The following TRIM10 variants were observed in gnomAD, a reference collection of about 807,000 sequenced individuals.
The protein encoded by TRIM10 is tripartite motif-containing protein 10.
A neutral mutation model predicts 40.0 loss-of-function variants in TRIM10; 42 were observed. The ratio of observed to expected loss-of-function variants is 1.05; its 90% CI spans 0.82 to 1.36. The LOEUF is 1.36. TRIM10 is among the 40% of genes most tolerant of loss of function. TRIM10 has a pLI of 0.00. For synonymous variants in TRIM10, 260 were observed against 239.5 expected, an observed-to-expected ratio of 1.09 and a Z score of -0.79; for missense variants, 601 against 608.3, an observed-to-expected ratio of 0.99 and a Z score of 0.13.
rs1359094418 is a variant in TRIM10 at position 30,152,144 on chromosome 6, T to A, written c.*1825A>T. ...ACCCATGCAGGCATCTATCTCTGAA[T>A]GAGGCAGTGCAGCATAGCAGTTAAG... On this transcript the variant is annotated 3_prime_UTR_variant, in exon 7 of 7. Coordinates refer to ENST00000449742, the MANE Select transcript of TRIM10 (RefSeq NM_006778.4). The A allele has an allele frequency of 6.6e-6, 1 of 152,242 alleles. No homozygotes were observed. Among genetic ancestry groups the A allele is most frequent in the Non-Finnish European group, 1.5e-5 (1 of 68,046 alleles). 9.4% of individuals were successfully genotyped at this position (152,242 alleles called of 1,614,324 possible). A position where few individuals can be genotyped will look rare whatever the true frequency, so the allele number is the denominator to read the frequency against.
At chr6:30,157,662 T>C (rs966087438) in intron 3 of TRIM10, among the ~76,000 whole-genome samples, 5 of 134,222 alleles carry the variant, frequency 3.7e-5, no homozygotes, top group African/African-American at 8.1e-5. Context: ...ATTTTCTTTT[T>C]TTTTTTTTTT....
Position 30,153,927 on chromosome 6 carries a change from T to C in TRIM10, c.*42A>G. On this transcript the variant is annotated 3_prime_UTR_variant, in exon 7 of 7. Transcript: ENST00000449742. ...CAAGTCCACATGGTACTTGGGTTGA[T>C]ATGAGTCCTGTACTTAGAGGAGAGT... The C allele has an allele frequency of 6.3e-7, 1 of 1,578,584 alleles. No homozygotes were observed. Among genetic ancestry groups the C allele is most frequent in the East Asian group, 2.3e-5 (1 of 44,402 alleles).
rs61735038 is a variant in TRIM10, at chr6:30,158,400, G to A, written c.755C>T (p.Thr252Met). The A allele has an allele frequency of 0.017, 26,659 of 1,612,562 alleles. 360 individuals are homozygous for A. Among genetic ancestry groups the A allele is most frequent in the African/African-American group, 0.045 (3,375 of 74,980 alleles). ...KNERPARELL[T>M]DIRSTLIRCE... ...GCAGGGTTCCGGTTCAGGCCTCACC[G>A]TCAGGAGCTCCCTTGCTGGCCTCTC... is the stretch of plus-strand genomic sequence containing the variant. Residue 252 changes from threonine (T) to methionine (M), a missense_variant and splice_region_variant, in exon 3 of 7, where the codon ACG (threonine) becomes ATG (methionine). Transcript: ENST00000449742.
intron 3 of TRIM10, 130 bp from the exon 4 acceptor site, chr6:30,157,521 T>A: frequency 1.0e-6 from 1 of 978,066 alleles, no homozygotes; most frequent in Non-Finnish European, 1.5e-6. Flanking sequence ...GGTCTCACTC[T>A]GGTGCCCAGG....
upstream of TRIM10, chr6:30,163,538 T>A: frequency 1.1e-6 from 1 of 899,854 alleles, no homozygotes; most frequent in Non-Finnish European, 1.5e-6. Context: ...GCTGGCATTC[T>A]TGCCTCTCTC....
chr6:30,158,421 C>T lies in TRIM10; in HGVS notation c.734G>A (p.Arg245Lys), dbSNP rs763603651. The change falls in exon 3 of 7, where the codon AGG becomes AAG. Residue 245 changes from arginine to lysine, a missense_variant. Arg to Lys is a conservative substitution (Grantham distance 26, BLOSUM62 2). Transcript: ENST00000449742. ...LIEELEEKNE[R>K]PARELLTDIR... ...CACCGTCAGGAGCTCCCTTGCTGGC[C>T]TCTCATTCTTCTCCTCCAGTTCTTC... 1.2e-6 allele frequency: 2 copies of T among 1,612,982 alleles called. No individual in the cohort carries two copies. The highest frequency in any genetic ancestry group is 2.2e-5 in the East Asian group (1 of 44,884).
At position 30,155,762 on chromosome 6, in the gene TRIM10, G is replaced by T; in HGVS notation, c.896-3C>A. 1.2e-6 allele frequency: 2 copies of T among 1,612,680 alleles called. No individual in the cohort carries two copies. The highest frequency in any genetic ancestry group is 1.7e-6 in the Non-Finnish European group (2 of 1,179,544). On this transcript the variant is annotated splice_region_variant and splice_polypyrimidine_tract_variant and intron_variant, in intron 5 of 6. Coordinates refer to ENST00000449742, the MANE Select transcript of TRIM10 (RefSeq NM_006778.4). The stretch of plus-strand genomic sequence containing the variant: ...GTCCAACTCAAAGCATAGTTTTTCT[G>T]TAAAGAAAATAAACCAGGATGAGAT...
chr6:30,157,061 G>T lies in TRIM10; in HGVS notation c.780-7C>A, dbSNP rs761452256. The T allele has an allele frequency of 1.9e-6, 3 of 1,611,768 alleles. No homozygotes were observed. The East Asian group carries it at 6.7e-5, about 36-fold the overall frequency. ...GCACTTTCTGGTTTCACATCTAGGG[G>T]CACAGAAATGGCTGGGTCTGGGAAT... On this transcript the variant is annotated splice_polypyrimidine_tract_variant and splice_region_variant and intron_variant, in intron 4 of 6. Transcript: ENST00000449742.
At position 30,160,945 on chromosome 6, in the gene TRIM10, A is replaced by G; in HGVS notation, c.-87T>C. On this transcript the variant is annotated 5_prime_UTR_variant, in exon 1 of 7. Transcript: ENST00000449742. The stretch of plus-strand genomic sequence containing the variant: ...CTGGGTCACACACTCACACACCCAC[A>G]CATGCACATGGCTGGACACAGGCAC... 2.3e-6 allele frequency: 3 copies of G among 1,310,756 alleles called. No homozygotes were observed. Among genetic ancestry groups the G allele is most frequent in the Non-Finnish European group, 3.1e-6 (3 of 970,448 alleles). The allele number at this position is 1,310,756 out of a possible 1,614,324, so 81.2% of individuals were successfully genotyped here.
chr6:30,154,137 C>T lies in TRIM10; in HGVS notation c.1278G>A (p.Glu426=). ...GSFPTRLTLK[E]QPRQVRVSLD... ...GAGACACCCTCACCTGCCGGGGCTG[C>T]TCCTTCAGGGTCAGCCGTGTGGGGA... The change falls in exon 7 of 7, where the codon GAG becomes GAA. Residue 426 remains glutamate, a synonymous_variant. Coordinates refer to ENST00000449742, the MANE Select transcript of TRIM10 (RefSeq NM_006778.4). The T allele has an allele frequency of 2.5e-6, 4 of 1,613,010 alleles. No individual in the cohort carries two copies. The highest frequency in any genetic ancestry group is 3.4e-6 in the Non-Finnish European group (4 of 1,179,950).
intron 5 of TRIM10, 59 bp downstream of exon 5, chr6:30,156,880 A>T (rs1289653769): frequency 1.4e-6 from 2 of 1,474,114 alleles, no homozygotes; most frequent in East Asian, 2.3e-5. Flanking sequence ...CGTGGAGGCC[A>T]CTCCTAAACC....
chr6:30,157,657 CTTTTTTT>C (rs9278596), intron 3 of TRIM10, among the ~76,000 whole-genome samples: 7 of 77,838 alleles, frequency 9.0e-5, no homozygotes, highest in South Asian at 4.4e-4. Flanking sequence ...GGCTAATTTT[CTTTTTTT>C]TTTTTTTTTT....
At chr6:30,162,018 G>C (rs754602725), upstream of TRIM10, among the ~76,000 whole-genome samples, 29 of 151,178 alleles carry the variant, frequency 1.9e-4, no homozygotes, top group Non-Finnish European at 3.8e-4. Context: ...GCTCACGCCT[G>C]TAATCCCAGC....
intron 1 of TRIM10, 33 bp from the exon 2 acceptor site, chr6:30,159,278 G>A (rs1166583025): frequency 1.4e-6 from 2 of 1,477,438 alleles, no homozygotes; most frequent in Non-Finnish European, 1.9e-6. Flanking sequence ...ACTCAAGATG[G>A]AAAATGATTT....
In TRIM10 at chr6:30,156,783, G is replaced by T. The variant is rs774722316; in HGVS notation, c.895+156C>A. ...TCTTCATTGTCACAATATCCTAATA[G>T]GCAGATTTTATAAAAATCTGCAAAT... On this transcript the variant is annotated intron_variant, in intron 5 of 6. Transcript: ENST00000449742. 8.4e-6 allele frequency: 6 copies of T among 717,890 alleles called. No homozygotes were observed. In the East Asian group the frequency reaches 1.6e-4, roughly 19 times the overall value. 44.5% of individuals were successfully genotyped at this position (717,890 alleles called of 1,614,324 possible). A position where few individuals can be genotyped will look rare whatever the true frequency, so the allele number is the denominator to read the frequency against.
chr6:30,153,467 T>G lies in TRIM10; in HGVS notation c.*502A>C, dbSNP rs1772202646. 2 of 556,538 alleles carry G rather than the reference T, an allele frequency of 3.6e-6. No homozygotes were observed. Among genetic ancestry groups the G allele is most frequent in the Non-Finnish European group, 6.4e-6 (2 of 314,674 alleles). 34.5% of individuals were successfully genotyped at this position (556,538 alleles called of 1,614,324 possible). On this transcript the variant is annotated 3_prime_UTR_variant, in exon 7 of 7. Coordinates refer to ENST00000449742, the MANE Select transcript of TRIM10 (RefSeq NM_006778.4). ...GAGCTCTTTCAGATATAGAGCAGGT[T>G]TTTTTTTTCTCTATATTTTCAAGTC...
upstream of TRIM10, chr6:30,163,401 G>T: frequency 1.9e-6 from 1 of 538,540 alleles, no homozygotes; most frequent in Non-Finnish European, 3.3e-6. Flanking sequence ...TAAAGAACTG[G>T]CTTACTTGGC....
intron 5 of TRIM10, chr6:30,156,667 T>G: frequency 1.9e-6 from 1 of 540,330 alleles, no homozygotes; most frequent in Non-Finnish European, 3.3e-6. Context: ...TCATTATCTT[T>G]CATATTGCTT....
chr6:30,154,626 T>A (rs1772356986), intron 6 of TRIM10, 140 bp from the exon 7 acceptor site: 3 of 1,025,168 alleles, frequency 2.9e-6, no homozygotes, highest in Non-Finnish European at 4.4e-6. Flanking sequence ...GCCAACAGTG[T>A]GGAACCACCT....
Sources: allele counts gnomAD v4.1 joint callset (sites outside exome capture counted in the v4.1 genomes callset), GRCh38; gene constraint gnomAD v4.1.1; transcripts MANE v1.5; gene names NCBI Gene and HGNC (gene_info 2026-07-23, HGNC 2026-07-21).